The following MTFR1 variants were observed in gnomAD, a reference collection of about 807,000 sequenced individuals.
MTFR1 encodes chondrocyte protein with a poly-proline region.
A neutral mutation model predicts 38.8 loss-of-function variants in MTFR1; 28 were observed. The ratio of observed to expected loss-of-function variants is 0.72; its 90% confidence interval spans 0.53 to 0.99. The LOEUF is 0.99. MTFR1 is among the 50% of genes least tolerant of loss of function. MTFR1 has a pLI of 0.00. For synonymous variants in MTFR1, 145 were observed against 137.0 expected (o/e 1.06, Z -0.41); for missense variants, 358 against 395.5 (o/e 0.91, Z 0.81).
At chr8:65,749,884 T>C (rs1017845238) in intron 3 of MTFR1, among the ~76,000 whole-genome samples, 4 of 152,234 alleles carry the variant, frequency 2.6e-5, no homozygotes, top group Non-Finnish European at 4.4e-5. Context: ...TTCAAAATAG[T>C]CTTTATTTCA....
At chr8:65,730,448 G>A (rs1329251620) in intron 3 of MTFR1, among the ~76,000 whole-genome samples, 2 of 151,844 alleles carry the variant, frequency 1.3e-5, no homozygotes, top group African/African-American at 2.4e-5. Flanking sequence ...CCAAAGTGCT[G>A]GGATTACAGG....
intron 3 of MTFR1, among the ~76,000 whole-genome samples, chr8:65,743,044 T>A (rs1441619798): frequency 6.6e-6 from 1 of 152,184 alleles, no homozygotes; most frequent in African/African-American, 2.4e-5. Context: ...ATGTACTTTT[T>A]AAAAATAAAA....
chr8:65,753,508 C>T (rs1309276683), intron 3 of MTFR1, among the ~76,000 whole-genome samples: 1 of 151,952 alleles, frequency 6.6e-6, no homozygotes, highest in Non-Finnish European at 1.5e-5. Context: ...GGGTGAGCTC[C>T]CCACCCTCAC....
chr8:65,747,795 C>T (rs1205825136), intron 3 of MTFR1: 1 of 1,601,838 alleles, frequency 6.2e-7, no homozygotes, highest in South Asian at 1.1e-5. Context: ...ACTTCAATTT[C>T]AGATTGAGCT....
At chr8:65,651,608 G>T (rs775675118) in intron 1 of MTFR1, among the ~76,000 whole-genome samples, 3 of 152,116 alleles carry the variant, frequency 2.0e-5, no homozygotes, top group Non-Finnish European at 4.4e-5. Flanking sequence ...TGAGTTTACT[G>T]TAGACCTATG....
At chr8:65,760,456 T>A (rs1808434410) in intron 3 of MTFR1, among the ~76,000 whole-genome samples, 1 of 152,186 alleles carries the variant, frequency 6.6e-6, no homozygotes, top group Non-Finnish European at 1.5e-5. Context: ...TCCCTTAGAA[T>A]AAGTATTCAG....
At chr8:65,754,634 C>T (rs1029746095) in intron 3 of MTFR1, among the ~76,000 whole-genome samples, 3 of 150,774 alleles carry the variant, frequency 2.0e-5, no homozygotes, top group Admixed American at 6.6e-5. Context: ...CATGCCCAGC[C>T]GTTATTTGTC....
At chr8:65,687,665 A>G (rs1182719884) in intron 3 of MTFR1, among the ~76,000 whole-genome samples, 2 of 152,148 alleles carry the variant, frequency 1.3e-5, no homozygotes, top group Non-Finnish European at 1.5e-5. Context: ...TTTAAAAAGT[A>G]ATCACATTCA....
At chr8:65,764,191 G>A (rs146906360) in intron 3 of MTFR1, among the ~76,000 whole-genome samples, 1 of 152,192 alleles carries the variant, frequency 6.6e-6, no homozygotes, top group Non-Finnish European at 1.5e-5. Flanking sequence ...ACAGGAAAAA[G>A]GGACATGGGA....
At chr8:65,651,215 GT>G (rs1460696106) in intron 1 of MTFR1, among the ~76,000 whole-genome samples, 1 of 152,166 alleles carries the variant, frequency 6.6e-6, no homozygotes, top group Non-Finnish European at 1.5e-5. Context: ...CAGGTGAATA[GT>G]TTGCAAATTT....
chr8:65,655,130 A>T (rs1414949945), intron 1 of MTFR1, among the ~76,000 whole-genome samples: 2 of 152,260 alleles, frequency 1.3e-5, no homozygotes, highest in Non-Finnish European at 2.9e-5. Context: ...GTGGCTGCTT[A>T]AAATATTCTG....
chr8:65,644,124 CACG>C, upstream of MTFR1, among the ~76,000 whole-genome samples: 1 of 152,226 alleles, frequency 6.6e-6, no homozygotes, highest in Non-Finnish European at 1.5e-5. Flanking sequence ...ATCATATTTT[CACG>C]ACAATTATTT....
At chr8:65,689,899 C>G (rs2129055467) in intron 3 of MTFR1, among the ~76,000 whole-genome samples, 1 of 152,292 alleles carries the variant, frequency 6.6e-6, no homozygotes, top group South Asian at 2.1e-4. Context: ...GACAGGATTT[C>G]AAGTACAAAT....
chr8:65,673,895 G>A (rs569302108), intron 2 of MTFR1, among the ~76,000 whole-genome samples: 14 of 151,988 alleles, frequency 9.2e-5, no homozygotes, highest in Middle Eastern at 3.4e-3. Context: ...AACAGAGCAA[G>A]ACCCCGTCTC....
At chr8:65,756,064 T>C (rs1808229554) in intron 3 of MTFR1, among the ~76,000 whole-genome samples, 2 of 152,260 alleles carry the variant, frequency 1.3e-5, no homozygotes, top group Non-Finnish European at 2.9e-5. Flanking sequence ...TTGTTTTTGT[T>C]TTCAGGACTG....
At chr8:65,756,141 T>C (rs887284331) in intron 3 of MTFR1, among the ~76,000 whole-genome samples, 3 of 152,234 alleles carry the variant, frequency 2.0e-5, no homozygotes, top group South Asian at 2.1e-4. Flanking sequence ...ATTAATCTTA[T>C]TGAGAATCCC....
intron 3 of MTFR1, among the ~76,000 whole-genome samples, chr8:65,736,441 ATAAT>A (rs563238500): frequency 5.9e-5 from 9 of 152,342 alleles, no homozygotes; most frequent in African/African-American, 2.2e-4. Flanking sequence ...CATACTACTT[ATAAT>A]TAATACACAT....
chr8:65,653,759 T>C (rs931201796), intron 1 of MTFR1, among the ~76,000 whole-genome samples: 12 of 152,110 alleles, frequency 7.9e-5, no homozygotes, highest in Non-Finnish European at 1.5e-4. Context: ...AAAATGTTAC[T>C]AGTCTTTAAA....
At chr8:65,758,628 G>C (rs767271354) in intron 3 of MTFR1, among the ~76,000 whole-genome samples, 15 of 152,216 alleles carry the variant, frequency 9.9e-5, no homozygotes, top group African/African-American at 3.6e-4. Context: ...GTTATGGACA[G>C]TGTTTCAATT....
Sources: gnomAD v4.1 joint callset for allele counts (sites outside exome capture counted in the v4.1 genomes callset) on GRCh38, gnomAD v4.1.1 for gene constraint, MANE v1.5 for transcripts, NCBI Gene and HGNC (gene_info 2026-07-23, HGNC 2026-07-21) for gene names.